The following FUT9 variants were observed in gnomAD, a reference collection of about 807,000 sequenced individuals.
The protein encoded by FUT9 is fucosyltransferase 9.
In FUT9, 15 loss-of-function variants were observed where a neutral mutation model predicts 29.7. That is an observed-to-expected ratio of 0.51 (90% CI 0.34 to 0.78). FUT9 has a LOEUF of 0.78. Ranked by LOEUF, FUT9 falls within the 30% of genes least tolerant of loss-of-function variation. The probability of loss-of-function intolerance (pLI) is 0.01; values close to 1 mark genes in which losing one functional copy is unlikely to be tolerated. For missense variants in FUT9, 319 were observed against 425.4 expected, an observed-to-expected ratio of 0.75 and a Z score of 2.20; for synonymous variants, 169 against 153.7, an observed-to-expected ratio of 1.10 and a Z score of -0.74.
chr6:96,113,202 T>C (rs933694440), intron 1 of FUT9, among the ~76,000 whole-genome samples: 3 of 152,296 alleles, frequency 2.0e-5, no homozygotes, highest in Non-Finnish European at 4.4e-5. Flanking sequence ...TTCTTTTTAA[T>C]GATATTTCCC....
At chr6:96,061,920 C>G (rs558571097) in intron 1 of FUT9, among the ~76,000 whole-genome samples, 17 of 152,276 alleles carry the variant, frequency 1.1e-4, no homozygotes, top group Admixed American at 5.9e-4. Flanking sequence ...TACTGACTTA[C>G]AGAAAACAGA....
At chr6:96,110,511 T>G (rs940191718) in intron 1 of FUT9, among the ~76,000 whole-genome samples, 2 of 152,152 alleles carry the variant, frequency 1.3e-5, no homozygotes, top group African/African-American at 2.4e-5. Context: ...TCCCCTCAAC[T>G]TAATTAAGAA....
intron 1 of FUT9, among the ~76,000 whole-genome samples, chr6:96,076,900 T>C (rs1278037618): frequency 1.3e-5 from 2 of 152,184 alleles, no homozygotes; most frequent in African/African-American, 2.4e-5. Flanking sequence ...AAATAGACTG[T>C]AATAAGGAAA....
intron 2 of FUT9, among the ~76,000 whole-genome samples, chr6:96,152,515 C>T (rs957214051): frequency 3.3e-5 from 5 of 152,148 alleles, no homozygotes; most frequent in Non-Finnish European, 7.3e-5. Flanking sequence ...ACGGCAACTG[C>T]TCAATAAATA....
At chr6:96,106,166 C>A (rs1771676154) in intron 1 of FUT9, among the ~76,000 whole-genome samples, 2 of 148,250 alleles carry the variant, frequency 1.3e-5, no homozygotes, top group Admixed American at 1.3e-4. Context: ...ATGTATGGAG[C>A]TATGTCAATG....
intron 1 of FUT9, among the ~76,000 whole-genome samples, chr6:96,049,632 C>T (rs1770629161): frequency 6.6e-6 from 1 of 152,136 alleles, no homozygotes; most frequent in Non-Finnish European, 1.5e-5. Flanking sequence ...CTACCAGACT[C>T]CCATGTTGGC....
intron 1 of FUT9, among the ~76,000 whole-genome samples, chr6:96,071,914 C>G (rs1262121573): frequency 6.6e-6 from 1 of 152,044 alleles, no homozygotes; most frequent in Admixed American, 6.6e-5. Flanking sequence ...GGATTATAGG[C>G]GTGAGCCACC....
intron 2 of FUT9, among the ~76,000 whole-genome samples, chr6:96,139,811 C>A (rs112438509): frequency 6.6e-6 from 1 of 152,094 alleles, no homozygotes; most frequent in Non-Finnish European, 1.5e-5. Context: ...ATGCAGGGGG[C>A]ACCATGTCCT....
At chr6:96,028,101 G>A (rs1393423173) in intron 1 of FUT9, among the ~76,000 whole-genome samples, 1 of 151,502 alleles carries the variant, frequency 6.6e-6, no homozygotes, top group Non-Finnish European at 1.5e-5. Flanking sequence ...GTATGCCAGT[G>A]GCAATCTTGT....
chr6:96,049,671 A>C (rs1320156564), intron 1 of FUT9, among the ~76,000 whole-genome samples: 1 of 152,226 alleles, frequency 6.6e-6, no homozygotes, highest in Non-Finnish European at 1.5e-5. Context: ...TGGAGTGAGA[A>C]ATACAAATTG....
At chr6:96,142,339 A>C (rs1252180489) in intron 2 of FUT9, among the ~76,000 whole-genome samples, 1 of 152,194 alleles carries the variant, frequency 6.6e-6, no homozygotes, top group Non-Finnish European at 1.5e-5. Context: ...AAAAAAATGA[A>C]GCACAATCCA....
intron 1 of FUT9, among the ~76,000 whole-genome samples, chr6:96,088,925 G>A (rs1267180037): frequency 7.5e-6 from 1 of 132,798 alleles, no homozygotes; most frequent in African/African-American, 3.0e-5. Flanking sequence ...ATTGGGCACA[G>A]CTAAGTTACT....
chr6:96,198,021 T>C (rs986522577), intron 2 of FUT9, among the ~76,000 whole-genome samples: 1 of 152,230 alleles, frequency 6.6e-6, no homozygotes. Context: ...TACCTTGATA[T>C]GTATCTGTGG....
intron 1 of FUT9, among the ~76,000 whole-genome samples, chr6:96,045,479 C>T (rs2248548): frequency 0.64 from 96,914 of 152,052 alleles, 31,157 homozygotes; most frequent in African/African-American, 0.72. Flanking sequence ...TTTGTTGATT[C>T]CTAGATAATT....
At chr6:96,089,911 A>C (rs556998725) in intron 1 of FUT9, among the ~76,000 whole-genome samples, 5 of 152,312 alleles carry the variant, frequency 3.3e-5, no homozygotes, top group African/African-American at 7.2e-5. Flanking sequence ...GTAATCACAG[A>C]AAGAACAATG....
At position 96,214,529 on chromosome 6, in the gene FUT9, A is replaced by G. The variant is rs1446681948; in HGVS notation, c.*10294A>G. 1 of 166,926 alleles carries G rather than the reference A, an allele frequency of 6.0e-6. No homozygotes were observed. Among genetic ancestry groups the G allele is most frequent in the Non-Finnish European group, 1.5e-5 (1 of 68,058 alleles). 10.3% of individuals were successfully genotyped at this position (166,926 alleles called of 1,614,324 possible). On this transcript the variant is annotated 3_prime_UTR_variant, in exon 3 of 3. Coordinates refer to ENST00000302103, the MANE Select transcript of FUT9 (RefSeq NM_006581.4). Reference sequence around the variant, plus strand: ...GCAGAGGAGCCTTTACATGCAGATAATTTGAAGCAGTCTTTGAAAATAACA... The same window carrying G: ...GCAGAGGAGCCTTTACATGCAGATAGTTTGAAGCAGTCTTTGAAAATAACA...
chr6:96,202,905 C>T (rs1396253549), intron 2 of FUT9, among the ~76,000 whole-genome samples: 1 of 152,114 alleles, frequency 6.6e-6, no homozygotes, highest in Non-Finnish European at 1.5e-5. Flanking sequence ...AAAAACGTTA[C>T]TTGGTTTGAA....
intron 1 of FUT9, among the ~76,000 whole-genome samples, chr6:96,046,197 T>C (rs1463789830): frequency 7.0e-6 from 1 of 142,820 alleles, no homozygotes; most frequent in Admixed American, 7.1e-5. Context: ...AATGTTTATA[T>C]ACCATGACCC....
chr6:96,058,360 C>G (rs147323273), intron 1 of FUT9, among the ~76,000 whole-genome samples: 2 of 150,330 alleles, frequency 1.3e-5, no homozygotes, highest in Non-Finnish European at 3.0e-5. Flanking sequence ...GAAAGGAACC[C>G]TCACTGTTGG....
Sources: allele counts gnomAD v4.1 joint callset (sites outside exome capture counted in the v4.1 genomes callset), GRCh38; gene constraint gnomAD v4.1.1; transcripts MANE v1.5; gene names NCBI Gene and HGNC (gene_info 2026-07-23, HGNC 2026-07-21).